Variants in KCNK10 observed in about 807,000 individuals in gnomAD.
The protein encoded by KCNK10 is potassium channel subfamily K member 10.
A neutral mutation model predicts 47.7 loss-of-function variants in KCNK10; 25 were observed. That is an observed-to-expected ratio of 0.52 (90% CI 0.38 to 0.73). The LOEUF (loss-of-function observed/expected upper bound fraction) is 0.73. Ranked by LOEUF, KCNK10 falls within the 30% of genes least tolerant of loss-of-function variation. The pLI is 0.00. For synonymous variants in KCNK10, 303 were observed against 285.6 expected (o/e 1.06, Z -0.61); for missense variants, 563 against 714.5 (o/e 0.79, Z 2.42).
Position 88,322,848 on chromosome 14 carries a change from A to G in KCNK10, c.-50T>C, listed in dbSNP as rs1186694497. The G allele has an allele frequency of 6.2e-7, 1 of 1,613,750 alleles. No homozygotes were observed. The highest frequency in any genetic ancestry group is 8.5e-7 in the Non-Finnish European group (1 of 1,179,788). ...AAATGAAAAGAACCCAAATAATAAT[A>G]AAGTCCTCAAGCTTTACACGCCTCG... On this transcript the variant is annotated 5_prime_UTR_variant, in exon 1 of 7. Coordinates refer to ENST00000319231, the MANE Select transcript of KCNK10 (RefSeq NM_138317.3). The surrounding 1 kb of genome is among the most constrained non-coding windows in gnomAD (Gnocchi z 4.8).
chr14:88,292,778 A>G (rs1000193239), intron 1 of KCNK10, among the ~76,000 whole-genome samples: 19 of 152,038 alleles, frequency 1.2e-4, no homozygotes, highest in African/African-American at 4.6e-4. Context: ...GACTACAGGC[A>G]CACACCACCA....
chr14:88,225,216 G>A (rs906191526), intron 4 of KCNK10, among the ~76,000 whole-genome samples: 10 of 152,200 alleles, frequency 6.6e-5, no homozygotes, highest in East Asian at 1.9e-4. Flanking sequence ...TCAGTTGTTC[G>A]TATATTTAGG....
At chr14:88,262,836 C>A (rs1595112318) in intron 2 of KCNK10, among the ~76,000 whole-genome samples, 2 of 152,312 alleles carry the variant, frequency 1.3e-5, no homozygotes, top group East Asian at 3.9e-4. Flanking sequence ...TATTCTAAAT[C>A]TGCATATTTA....
At chr14:88,211,500 A>T (rs913642986) in intron 4 of KCNK10, among the ~76,000 whole-genome samples, 4 of 151,288 alleles carry the variant, frequency 2.6e-5, no homozygotes, top group African/African-American at 9.7e-5. Context: ...AGGATGGTAA[A>T]TTTTATGTTG....
At chr14:88,247,610 C>T (rs191739967) in intron 2 of KCNK10, among the ~76,000 whole-genome samples, 190 of 152,290 alleles carry the variant, frequency 1.2e-3, no homozygotes, top group Non-Finnish European at 2.0e-3. Flanking sequence ...AGGCCACTGG[C>T]AGAAAGGACA....
chr14:88,309,892 T>C (rs1888275765), intron 1 of KCNK10, among the ~76,000 whole-genome samples: 1 of 152,040 alleles, frequency 6.6e-6, no homozygotes, highest in Non-Finnish European at 1.5e-5. Flanking sequence ...AAAGTTGCTT[T>C]CAGTGACCTT....
At chr14:88,262,241 T>C (rs968058520) in intron 2 of KCNK10, among the ~76,000 whole-genome samples, 3 of 152,182 alleles carry the variant, frequency 2.0e-5, no homozygotes, top group Non-Finnish European at 4.4e-5. Flanking sequence ...TGTCACCGCC[T>C]TCCACCAAAA....
chr14:88,272,236 A>G (rs1887423186), intron 1 of KCNK10, among the ~76,000 whole-genome samples: 1 of 152,218 alleles, frequency 6.6e-6, no homozygotes, highest in Admixed American at 6.5e-5. Context: ...CAAGTCCTCA[A>G]TCAACGTGAG....
chr14:88,248,426 A>T (rs1015836132), intron 2 of KCNK10, among the ~76,000 whole-genome samples: 11 of 152,174 alleles, frequency 7.2e-5, no homozygotes, highest in African/African-American at 2.7e-4. Flanking sequence ...AATATTAATC[A>T]CAAATTAAGA....
intron 2 of KCNK10, among the ~76,000 whole-genome samples, chr14:88,248,425 C>G (rs982917008): frequency 6.6e-6 from 1 of 152,046 alleles, no homozygotes; most frequent in African/African-American, 2.4e-5. Context: ...CAATATTAAT[C>G]ACAAATTAAG....
intron 1 of KCNK10, chr14:88,270,887 G>A: frequency 6.4e-6 from 5 of 775,332 alleles, no homozygotes; most frequent in Non-Finnish European, 2.4e-6. Context: ...AACATTCAGA[G>A]TAAAGTGCAG....
Position 88,323,200 on chromosome 14 carries a change from GC to G in KCNK10, c.-403del. 1.9e-6 allele frequency: 2 copies of G among 1,042,214 alleles called. No individual in the cohort carries two copies. Among genetic ancestry groups the G allele is most frequent in the Non-Finnish European group, 2.3e-6 (2 of 863,960 alleles). The allele number at this position is 1,042,214 out of a possible 1,614,324, so 64.6% of individuals were successfully genotyped here. A position where few individuals can be genotyped will look rare whatever the true frequency, so the allele number is the denominator to read the frequency against. ...AGAAGCCCACTGCAGTGTCACTCCA[GC>G]CCCCGAAGGCGTGTGCGCACACACT... On this transcript the variant is annotated 5_prime_UTR_variant, in exon 1 of 7. Coordinates refer to ENST00000319231, the MANE Select transcript of KCNK10 (RefSeq NM_138317.3).
intron 4 of KCNK10, among the ~76,000 whole-genome samples, chr14:88,215,275 C>T (rs574711334): frequency 1.1e-4 from 17 of 152,192 alleles, no homozygotes; most frequent in Admixed American, 7.2e-4. Flanking sequence ...CTCACAGTTC[C>T]GCATGGCCGA....
chr14:88,201,729 T>C (rs1209607462), intron 4 of KCNK10, among the ~76,000 whole-genome samples: 1 of 152,176 alleles, frequency 6.6e-6, no homozygotes, highest in Admixed American at 6.5e-5. Flanking sequence ...ATAATAAATG[T>C]CCTGGCTTTT....
At chr14:88,227,976 T>C (rs908366038) in intron 3 of KCNK10, among the ~76,000 whole-genome samples, 3 of 152,050 alleles carry the variant, frequency 2.0e-5, no homozygotes, top group Non-Finnish European at 4.4e-5. Flanking sequence ...TCTTGAAGGG[T>C]AATGGGTACC....
chr14:88,252,665 G>A (rs762705878), intron 2 of KCNK10, among the ~76,000 whole-genome samples: 4 of 152,096 alleles, frequency 2.6e-5, no homozygotes, highest in African/African-American at 4.8e-5. Context: ...CTCACATGCC[G>A]CTGCCCACAT....
intron 1 of KCNK10, among the ~76,000 whole-genome samples, chr14:88,272,068 T>C (rs1472369792): frequency 6.6e-6 from 1 of 152,028 alleles, no homozygotes; most frequent in Non-Finnish European, 1.5e-5. Context: ...TCTTCCACGA[T>C]GGCCCCACCC....
At chr14:88,321,083 T>C (rs1042325848) in intron 1 of KCNK10, among the ~76,000 whole-genome samples, 1 of 152,182 alleles carries the variant, frequency 6.6e-6, no homozygotes, top group Admixed American at 6.5e-5. Context: ...GTATTTACAG[T>C]ATAACAGCCT....
chr14:88,253,242 G>A (rs1595106612), intron 2 of KCNK10, among the ~76,000 whole-genome samples: 1 of 152,306 alleles, frequency 6.6e-6, no homozygotes, highest in East Asian at 1.9e-4. Flanking sequence ...GATAGGGAAG[G>A]ATTTGTTAAA....
Sources: allele counts gnomAD v4.1 joint callset (sites outside exome capture counted in the v4.1 genomes callset), GRCh38; gene constraint gnomAD v4.1.1; non-coding constraint Gnocchi (gnomAD v3.1); transcripts MANE v1.5; gene names NCBI Gene and HGNC (gene_info 2026-07-23, HGNC 2026-07-21).